Variants in FBXW4 observed in about 807,000 individuals in gnomAD.
FBXW4 encodes the protein F-box and WD repeat domain containing 4.
A neutral mutation model predicts 61.8 loss-of-function variants in FBXW4; 40 were observed. That is an observed-to-expected ratio of 0.65 (90% CI 0.50 to 0.84). The LOEUF (loss-of-function observed/expected upper bound fraction) is 0.84, where lower values mean the gene tolerates loss of function less well. FBXW4 is among the 40% of genes least tolerant of loss of function. FBXW4 has a pLI of 0.00. For synonymous variants in FBXW4, 311 were observed against 313.8 expected (o/e 0.99, Z 0.10); for missense variants, 672 against 753.8 (o/e 0.89, Z 1.27).
At chr10:101,669,484 C>T (rs963944263) in intron 4 of FBXW4, among the ~76,000 whole-genome samples, 4 of 152,190 alleles carry the variant, frequency 2.6e-5, no homozygotes, top group East Asian at 3.9e-4. Context: ...ATGTCCTCCA[C>T]GGAAAGGGAA....
At chr10:101,620,576 C>T (rs967089352) in intron 6 of FBXW4, among the ~76,000 whole-genome samples, 6 of 152,222 alleles carry the variant, frequency 3.9e-5, no homozygotes, top group African/African-American at 1.2e-4. Context: ...CTGGCCAGAG[C>T]GGGCAGGGCT....
At position 101,643,001 on chromosome 10, in the gene FBXW4, A is replaced by G. The variant is rs558263807; in HGVS notation, c.1236-18191T>C. On this transcript the variant is annotated intron_variant, in intron 5 of 8. Coordinates refer to ENST00000331272, the MANE Select transcript of FBXW4 (RefSeq NM_022039.4). ...CCCTCCCTGCCATCCTCCCCAAATA[A>G]TATAAAATAAGGTCACCTTATCTTT... is the stretch of plus-strand genomic sequence containing the variant. Among the ~76,000 whole-genome samples, 100 of 152,176 alleles carry G rather than the reference A, an allele frequency of 6.6e-4. 2 individuals are homozygous for G. The highest frequency in any genetic ancestry group is 1.3e-3 in the Non-Finnish European group (89 of 68,028).
chr10:101,692,013 T>A (rs190130761), intron 1 of FBXW4, among the ~76,000 whole-genome samples: 230 of 151,954 alleles, frequency 1.5e-3, no homozygotes, highest in African/African-American at 5.5e-3. Context: ...CGGAAATACA[T>A]AGGAGTAAGT....
intron 5 of FBXW4, among the ~76,000 whole-genome samples, chr10:101,654,770 C>T (rs1451481620): frequency 1.3e-5 from 2 of 152,162 alleles, no homozygotes; most frequent in Non-Finnish European, 2.9e-5. Flanking sequence ...ATTGAGGGAA[C>T]ATAGTATAAA....
intron 6 of FBXW4, among the ~76,000 whole-genome samples, chr10:101,615,369 G>A (rs2063818698): frequency 6.6e-6 from 1 of 151,976 alleles, no homozygotes; most frequent in African/African-American, 2.4e-5. Context: ...CTAAGGGCTG[G>A]GGGCCTCCAC....
At chr10:101,643,992 A>T (rs928245727) in intron 5 of FBXW4, among the ~76,000 whole-genome samples, 3 of 152,192 alleles carry the variant, frequency 2.0e-5, no homozygotes, top group African/African-American at 7.2e-5. Context: ...GAAGTTTAAC[A>T]GGGGCTTTCA....
intron 1 of FBXW4, among the ~76,000 whole-genome samples, chr10:101,692,316 AATAT>A (rs572021169): frequency 7.3e-5 from 11 of 150,328 alleles, no homozygotes; most frequent in African/African-American, 2.7e-4. Flanking sequence ...TATTATATAT[AATAT>A]ATATATAAAC....
At chr10:101,636,082 G>A (rs371516584) in intron 5 of FBXW4, among the ~76,000 whole-genome samples, 14 of 152,252 alleles carry the variant, frequency 9.2e-5, no homozygotes, top group African/African-American at 3.1e-4. Context: ...AGGCGTGGTG[G>A]TTCACACCTG....
chr10:101,687,119 G>A (rs1388159798), intron 1 of FBXW4, among the ~76,000 whole-genome samples: 2 of 152,114 alleles, frequency 1.3e-5, no homozygotes, highest in East Asian at 3.8e-4. Flanking sequence ...AGCTTTCCAG[G>A]AAAAGTATCT....
rs1224393589 is a variant in FBXW4, at chr10:101,672,899, G to T, written c.1140+16C>A. The T allele has an allele frequency of 6.2e-7, 1 of 1,612,974 alleles. No individual in the cohort carries two copies. The highest frequency in any genetic ancestry group is 8.5e-7 in the Non-Finnish European group (1 of 1,179,460). On this transcript the variant is annotated intron_variant, in intron 4 of 8. Transcript: ENST00000331272. Reference sequence around the variant, plus strand: ...ACAGGAGGGAGTAATAGTATGTAAGGGGGAGACCACCTCACCTTGGCCGTC... The same window carrying T: ...ACAGGAGGGAGTAATAGTATGTAAGTGGGAGACCACCTCACCTTGGCCGTC...
At chr10:101,670,705 C>T (rs4081696) in intron 4 of FBXW4, among the ~76,000 whole-genome samples, 151,855 of 152,352 alleles carry the variant, frequency 1, 75,682 homozygotes, top group East Asian at 1. Flanking sequence ...TAAGAAAGAA[C>T]AGAGAAATAA....
At chr10:101,626,299 T>C (rs1327640167) in intron 5 of FBXW4, 1 of 152,688 alleles carries the variant, frequency 6.5e-6, no homozygotes, top group Non-Finnish European at 1.5e-5. Context: ...AGAACCAAAC[T>C]ACAAAGTCAG....
In FBXW4 at chr10:101,611,435, G is replaced by T; in HGVS notation, c.1585-25C>A. ...CCTGGAAGGGAGGGCACAGGAAGTG[G>T]TAAGAGCTTTCCAAGTGGGACATGG... On this transcript the variant is annotated intron_variant, in intron 8 of 8. Transcript: ENST00000331272. This position sits in a 1 kb window ranked among gnomAD's most constrained non-coding sequence, Gnocchi z 4.9. The T allele has an allele frequency of 6.2e-7, 1 of 1,608,502 alleles. No homozygotes were observed. Among genetic ancestry groups the T allele is most frequent in the Non-Finnish European group, 8.5e-7 (1 of 1,177,054 alleles).
chr10:101,694,527 GAGC>G lies in FBXW4; in HGVS notation c.576_578del (p.Leu193del), dbSNP rs1361511757. ...CCCGCATGTCCAGGTAGGAGCAGATGAGCAGCAGCAGCTCCTCCGGCAGGCGCC... is the reference window on the plus strand; with the variant it reads ...CCCGCATGTCCAGGTAGGAGCAGATGAGCAGCAGCTCCTCCGGCAGGCGCC... On this transcript the variant is annotated inframe_deletion, in exon 1 of 9. Coordinates refer to ENST00000331272, the MANE Select transcript of FBXW4 (RefSeq NM_022039.4). The surrounding 1 kb of genome is among the most constrained non-coding windows in gnomAD (Gnocchi z 6.0). The G allele has an allele frequency of 1.3e-6, 2 of 1,505,316 alleles. No individual in the cohort carries two copies. Among genetic ancestry groups the G allele is most frequent in the Admixed American group, 2.2e-5 (1 of 46,182 alleles). 93.2% of individuals were successfully genotyped at this position (1,505,316 alleles called of 1,614,324 possible).
At chr10:101,662,906 T>C (rs1438701287) in intron 5 of FBXW4, among the ~76,000 whole-genome samples, 1 of 152,110 alleles carries the variant, frequency 6.6e-6, no homozygotes, top group Non-Finnish European at 1.5e-5. Context: ...CAAGCCTCAA[T>C]CATATGCTGC....
chr10:101,650,484 C>T (rs1307273063), intron 5 of FBXW4, among the ~76,000 whole-genome samples: 2 of 152,310 alleles, frequency 1.3e-5, no homozygotes, highest in East Asian at 3.9e-4. Context: ...ACAATCTGTG[C>T]TCCTGCCAGA....
At chr10:101,667,814 A>T in intron 5 of FBXW4, 72 bp downstream of exon 5, 1 of 1,319,082 alleles carries the variant, frequency 7.6e-7, no homozygotes, top group Non-Finnish European at 1.1e-6. Flanking sequence ...AAGATTTTCT[A>T]GCTCACCTGA....
intron 5 of FBXW4, among the ~76,000 whole-genome samples, chr10:101,659,250 G>A (rs2064220348): frequency 6.6e-6 from 1 of 152,158 alleles, no homozygotes; most frequent in Non-Finnish European, 1.5e-5. Context: ...CAGGGCATGA[G>A]GGTGTCCACC....
At chr10:101,652,194 C>T (rs961186361) in intron 5 of FBXW4, among the ~76,000 whole-genome samples, 4 of 151,720 alleles carry the variant, frequency 2.6e-5, no homozygotes, top group African/African-American at 9.7e-5. Flanking sequence ...AATCCGAGGA[C>T]TTGAAAGTTT....
Sources: allele counts gnomAD v4.1 joint callset (sites outside exome capture counted in the v4.1 genomes callset), GRCh38; gene constraint gnomAD v4.1.1; non-coding constraint Gnocchi (gnomAD v3.1); transcripts MANE v1.5; gene names NCBI Gene and HGNC (gene_info 2026-07-23, HGNC 2026-07-21).